Variants in LSAMP observed in about 807,000 individuals in gnomAD.
The protein encoded by LSAMP is limbic system-associated membrane protein.
In LSAMP, 7 loss-of-function variants were observed where a neutral mutation model predicts 38.6. The ratio of observed to expected loss-of-function variants is 0.18; its 90% CI spans 0.10 to 0.34. LSAMP has a LOEUF of 0.34. LSAMP is among the 10% of genes least tolerant of loss of function. The probability of loss-of-function intolerance (pLI) is 1.00; values close to 1 mark genes in which losing one functional copy is unlikely to be tolerated. For synonymous variants in LSAMP, 154 were observed against 166.8 expected (o/e 0.92, Z 0.59); for missense variants, 313 against 420.0 (o/e 0.75, Z 2.23).
chr3:115,882,891 C>T (rs1936357041), intron 3 of LSAMP, among the ~76,000 whole-genome samples: 1 of 152,054 alleles, frequency 6.6e-6, no homozygotes, highest in Non-Finnish European at 1.5e-5. Context: ...CAAAACAAAA[C>T]CCTAGCAGCT....
intron 1 of LSAMP, among the ~76,000 whole-genome samples, chr3:116,291,107 G>C (rs1330637795): frequency 6.6e-6 from 1 of 152,122 alleles, no homozygotes; most frequent in Non-Finnish European, 1.5e-5. Flanking sequence ...TCTGTACTGG[G>C]CTTGTTCCTC....
At chr3:116,036,076 G>A (rs190701215) in intron 2 of LSAMP, among the ~76,000 whole-genome samples, 297 of 152,290 alleles carry the variant, frequency 2.0e-3, no homozygotes, top group Non-Finnish European at 3.2e-3. Context: ...ACATGAGCAA[G>A]AAATAAGTCA....
intron 1 of LSAMP, among the ~76,000 whole-genome samples, chr3:116,147,011 T>C (rs963862072): frequency 2.2e-4 from 33 of 152,028 alleles, no homozygotes; most frequent in Non-Finnish European, 4.3e-4. Context: ...ATTTCATGGT[T>C]AAGAAGGGTC....
At chr3:116,419,401 C>T (rs1335994698) in intron 1 of LSAMP, among the ~76,000 whole-genome samples, 1 of 152,050 alleles carries the variant, frequency 6.6e-6, no homozygotes, top group East Asian at 1.9e-4. Flanking sequence ...TAGATAATCC[C>T]CTGTGTTTCT....
intron 1 of LSAMP, among the ~76,000 whole-genome samples, chr3:116,197,183 ACTTT>A (rs1355736468): frequency 7.1e-6 from 1 of 139,864 alleles, no homozygotes; most frequent in Non-Finnish European, 1.6e-5. Flanking sequence ...TCTCTCACTC[ACTTT>A]GTCTAGGTTC....
At position 116,237,999 on chromosome 3, in the gene LSAMP, A is replaced by C. The variant is rs1027202224; in HGVS notation, c.156-151443T>G. ...TGTAGGATGTTCAACAGCATCCCTGACTTCTACTCACTAGATAAATGTAGC... is the reference window on the plus strand; with the variant it reads ...TGTAGGATGTTCAACAGCATCCCTGCCTTCTACTCACTAGATAAATGTAGC... On this transcript the variant is annotated intron_variant, in intron 1 of 6. Transcript: ENST00000490035. Among the ~76,000 whole-genome samples the C allele has an allele frequency of 3.3e-5, 5 of 152,124 alleles. No individual in the cohort carries two copies. The East Asian group carries it at 7.7e-4, about 23-fold the overall frequency.
intron 1 of LSAMP, among the ~76,000 whole-genome samples, chr3:116,125,718 A>G (rs554649746): frequency 6.4e-4 from 97 of 152,310 alleles, no homozygotes; most frequent in African/African-American, 2.3e-3. Flanking sequence ...ACTACTCATA[A>G]TAGGCTTTAT....
At chr3:115,827,192 C>T (rs908661032) in intron 6 of LSAMP, among the ~76,000 whole-genome samples, 5 of 152,196 alleles carry the variant, frequency 3.3e-5, no homozygotes, top group South Asian at 4.1e-4. Context: ...AAAACCCACA[C>T]GTATAGTTGA....
At chr3:115,826,286 T>C (rs887728681) in intron 6 of LSAMP, among the ~76,000 whole-genome samples, 6 of 151,978 alleles carry the variant, frequency 3.9e-5, no homozygotes, top group African/African-American at 1.5e-4. Context: ...GGCTAATTTT[T>C]TGTATTTTTT....
At chr3:116,119,388 T>C (rs1708823954) in intron 1 of LSAMP, among the ~76,000 whole-genome samples, 1 of 152,132 alleles carries the variant, frequency 6.6e-6, no homozygotes, top group Non-Finnish European at 1.5e-5. Context: ...TATGTTTACA[T>C]CATAAATTGT....
At chr3:116,001,795 G>A (rs1940000972) in intron 3 of LSAMP, among the ~76,000 whole-genome samples, 1 of 152,048 alleles carries the variant, frequency 6.6e-6, no homozygotes, top group African/African-American at 2.4e-5. Context: ...GCTTCTCTCT[G>A]ATAAAGATCT....
At chr3:115,850,195 C>T (rs1486592003) in intron 4 of LSAMP, among the ~76,000 whole-genome samples, 1 of 152,114 alleles carries the variant, frequency 6.6e-6, no homozygotes, top group African/African-American at 2.4e-5. Context: ...TTAAATTACA[C>T]TTTGGGGACA....
At chr3:116,443,658 C>A (rs2049466355) in intron 1 of LSAMP, among the ~76,000 whole-genome samples, 1 of 152,128 alleles carries the variant, frequency 6.6e-6, no homozygotes, top group Non-Finnish European at 1.5e-5. Flanking sequence ...ACTATCAGCT[C>A]CTTGCACACA....
chr3:116,246,595 C>G (rs1392131523), intron 1 of LSAMP, among the ~76,000 whole-genome samples: 1 of 152,158 alleles, frequency 6.6e-6, no homozygotes, highest in Admixed American at 6.5e-5. Context: ...GCCATCTGCT[C>G]CTGTAGCGAT....
At chr3:116,320,007 A>G (rs903284560) in intron 1 of LSAMP, among the ~76,000 whole-genome samples, 3 of 152,198 alleles carry the variant, frequency 2.0e-5, no homozygotes, top group Admixed American at 1.3e-4. Context: ...AAAGCAATAT[A>G]TGTGTAAGCC....
intron 1 of LSAMP, among the ~76,000 whole-genome samples, chr3:116,199,409 C>T (rs1272532379): frequency 6.6e-6 from 1 of 152,062 alleles, no homozygotes; most frequent in East Asian, 1.9e-4. Flanking sequence ...TATACTTAGC[C>T]ACAATATTAT....
chr3:115,812,170 A>G (rs1477654157), intron 6 of LSAMP, among the ~76,000 whole-genome samples: 2 of 152,226 alleles, frequency 1.3e-5, no homozygotes, highest in Non-Finnish European at 2.9e-5. Flanking sequence ...ACATCACCCA[A>G]TATAAAAATA....
At chr3:116,245,911 T>A (rs1186179138) in intron 1 of LSAMP, among the ~76,000 whole-genome samples, 1 of 152,190 alleles carries the variant, frequency 6.6e-6, no homozygotes, top group Non-Finnish European at 1.5e-5. Flanking sequence ...GTTCCATGAT[T>A]CTTTAAGCTA....
intron 1 of LSAMP, among the ~76,000 whole-genome samples, chr3:116,295,037 AG>A (rs1311395288): frequency 1.2e-4 from 19 of 152,208 alleles, no homozygotes; most frequent in Non-Finnish European, 4.4e-5. Flanking sequence ...TTTTGGCTTT[AG>A]GGGGTATAAG....
Sources: allele counts gnomAD v4.1 joint callset (sites outside exome capture counted in the v4.1 genomes callset), GRCh38; gene constraint gnomAD v4.1.1; transcripts MANE v1.5; gene names NCBI Gene and HGNC (gene_info 2026-07-23, HGNC 2026-07-21).